VAMP7: variants seen among roughly 807,000 people sequenced by gnomAD.
The protein encoded by VAMP7 is vesicle associated membrane protein 7.
A neutral mutation model predicts 29.6 loss-of-function variants in VAMP7; 14 were observed. That is an observed-to-expected ratio of 0.47 (90% CI 0.31 to 0.74). The LOEUF is 0.74. Ranked by LOEUF, VAMP7 falls within the 30% of genes least tolerant of loss-of-function variation. VAMP7 has a pLI of 0.05. For missense variants in VAMP7, 223 were observed against 262.4 expected (o/e 0.85, Z 1.04); for synonymous variants, 95 against 88.1 (o/e 1.08, Z -0.44).
intron 5 of VAMP7, among the ~76,000 whole-genome samples, chrX:155,918,052 G>A (rs1434428114): frequency 3.3e-5 from 5 of 152,228 alleles, no homozygotes; most frequent in Admixed American, 6.5e-5. Flanking sequence ...GGGACTTTGC[G>A]GAGCTGCGGT....
At chrX:155,913,777 C>T (rs1375682362) in intron 5 of VAMP7, among the ~76,000 whole-genome samples, 1 of 152,020 alleles carries the variant, frequency 6.6e-6, no homozygotes, top group Non-Finnish European at 1.5e-5. Flanking sequence ...TTACTGTAGC[C>T]TTGTAGTATA....
At chrX:155,908,810 G>A (rs2066190889) in intron 5 of VAMP7, among the ~76,000 whole-genome samples, 1 of 151,882 alleles carries the variant, frequency 6.6e-6, no homozygotes, top group African/African-American at 2.4e-5. Flanking sequence ...TGTTTTTTGA[G>A]ATGGGGTCTG....
chrX:155,905,492 A>T (rs1444226164), intron 5 of VAMP7, among the ~76,000 whole-genome samples: 1 of 152,132 alleles, frequency 6.6e-6, no homozygotes. Flanking sequence ...CTAAGCCAAG[A>T]TCATGAAGAT....
At chrX:155,939,821 CTTTA>C in intron 7 of VAMP7, 28 bp downstream of exon 7, 1 of 1,526,990 alleles carries the variant, frequency 6.5e-7, no homozygotes, top group Non-Finnish European at 9.1e-7. Context: ...TAGTGTATGG[CTTTA>C]TTTTTCAATC....
rs2065901516 is a variant in VAMP7, at chrX:155,889,454, A to G, written c.-9-4A>G. The G allele has an allele frequency of 6.2e-7, 1 of 1,609,968 alleles. No homozygotes were observed. The highest frequency in any genetic ancestry group is 1.7e-5 in the Admixed American group (1 of 59,032). On this transcript the variant is annotated splice_polypyrimidine_tract_variant and splice_region_variant and intron_variant, in intron 1 of 7. Transcript: ENST00000286448. ...CTAAATCTGTGTCTTTTTCCTTTTG[A>G]TAGACTGAAGCCATGGCGATTCTTT... is the stretch of plus-strand genomic sequence containing the variant.
chrX:155,916,779 GC>G (rs2066319937), intron 5 of VAMP7, among the ~76,000 whole-genome samples: 1 of 152,086 alleles, frequency 6.6e-6, no homozygotes, highest in South Asian at 2.1e-4. Context: ...CTCTCTGGCT[GC>G]CCTTAACATT....
At chrX:155,882,178 T>G (rs922675540) in intron 1 of VAMP7, among the ~76,000 whole-genome samples, 10 of 152,172 alleles carry the variant, frequency 6.6e-5, no homozygotes, top group African/African-American at 2.4e-4. Context: ...TTTGAATACC[T>G]GTGGCTGAGA....
intron 6 of VAMP7, among the ~76,000 whole-genome samples, chrX:155,929,685 G>T (rs1451585913): frequency 6.6e-6 from 1 of 152,212 alleles, no homozygotes; most frequent in East Asian, 1.9e-4. Context: ...TCCCGTGTTG[G>T]ATGGAAAGAC....
chrX:155,928,318 C>G (rs2066500160), intron 6 of VAMP7, among the ~76,000 whole-genome samples: 1 of 152,148 alleles, frequency 6.6e-6, no homozygotes, highest in Non-Finnish European at 1.5e-5. Flanking sequence ...CAAATTATCA[C>G]AAACTTGGTG....
chrX:155,939,793 T>C lies in VAMP7; in HGVS notation c.594T>C (p.Ile198=), dbSNP rs1475299031. Reference sequence around the variant, plus strand: ...CTATTATCATCATCATCGTATCAATTGTAAGTTTTTGTCCTTTTAGTGTAT... The same window carrying C: ...CTATTATCATCATCATCGTATCAATCGTAAGTTTTTGTCCTTTTAGTGTAT... The part of the protein sequence containing the change: ...KLTIIIIIVS[I]VFIYIIVSPL... Residue 198 remains isoleucine (I), a splice_region_variant and synonymous_variant, in exon 7 of 8, where the codon ATT becomes ATC. Coordinates refer to ENST00000286448, the MANE Select transcript of VAMP7 (RefSeq NM_005638.6). 1.2e-6 allele frequency: 2 copies of C among 1,610,540 alleles called. No individual in the cohort carries two copies. The highest frequency in any genetic ancestry group is 3.3e-5 in the Admixed American group (2 of 60,004).
At chrX:155,913,301 A>G (rs1014345232) in intron 5 of VAMP7, among the ~76,000 whole-genome samples, 2 of 151,632 alleles carry the variant, frequency 1.3e-5, no homozygotes, top group African/African-American at 4.9e-5. Context: ...GATTGCAAAA[A>G]TTTTTTCCCA....
rs760574591 is a variant in VAMP7 at position 155,909,205 on chromosome X, A to G, written c.433+8618A>G. On this transcript the variant is annotated intron_variant, in intron 5 of 7. Coordinates refer to ENST00000286448, the MANE Select transcript of VAMP7 (RefSeq NM_005638.6). ...TTTTTATTTCTTCTTGAGTCTGTTT[A>G]GCAGTTTGTATCTTTCTAGGAATTT... is the stretch of plus-strand genomic sequence containing the variant. 1.8e-3 allele frequency among the ~76,000 whole-genome samples: 269 copies of G among 152,232 alleles called. 1 individual carries two copies. The highest frequency in any genetic ancestry group is 6.3e-3 in the African/African-American group (261 of 41,544).
At chrX:155,895,714 A>G (rs756773537) in intron 3 of VAMP7, 34 bp downstream of exon 3, 12 of 1,575,258 alleles carry the variant, frequency 7.6e-6, no homozygotes, top group Middle Eastern at 3.4e-4. Flanking sequence ...CTATTTAACT[A>G]TGTGTACTGT....
chrX:155,910,766 T>C (rs1420339881), intron 5 of VAMP7, among the ~76,000 whole-genome samples: 2 of 152,154 alleles, frequency 1.3e-5, no homozygotes, highest in Admixed American at 6.5e-5. Flanking sequence ...TGGCTATTCA[T>C]GTCCTCTGCC....
chrX:155,918,929 C>G (rs2066354422), intron 5 of VAMP7, among the ~76,000 whole-genome samples: 1 of 151,996 alleles, frequency 6.6e-6, no homozygotes, highest in Non-Finnish European at 1.5e-5. Context: ...TGGGATAAAT[C>G]CCACTTGATC....
At chrX:155,890,506 G>T (rs1318285868) in intron 2 of VAMP7, among the ~76,000 whole-genome samples, 3 of 151,928 alleles carry the variant, frequency 2.0e-5, no homozygotes, top group African/African-American at 7.3e-5. Context: ...GATTACAGGC[G>T]TGCACCACCA....
chrX:155,909,868 C>T (rs1484616944), intron 5 of VAMP7, among the ~76,000 whole-genome samples: 1 of 152,042 alleles, frequency 6.6e-6, no homozygotes, highest in Non-Finnish European at 1.5e-5. Flanking sequence ...TATTTTGTTA[C>T]ATGCAAAGAC....
At chrX:155,889,789 G>T (rs758686439) in intron 2 of VAMP7, among the ~76,000 whole-genome samples, 177 bp downstream of exon 2, 1 of 151,698 alleles carries the variant, frequency 6.6e-6, no homozygotes, top group East Asian at 2.0e-4. Context: ...AATTTAACTT[G>T]TAATTATTTT....
At chrX:155,926,829 T>G (rs2124369712) in intron 6 of VAMP7, among the ~76,000 whole-genome samples, 1 of 152,290 alleles carries the variant, frequency 6.6e-6, no homozygotes, top group East Asian at 1.9e-4. Flanking sequence ...AATACATAGA[T>G]GCCATTGTAA....
Sources: gnomAD v4.1 joint callset for allele counts (sites outside exome capture counted in the v4.1 genomes callset) on GRCh38, gnomAD v4.1.1 for gene constraint, MANE v1.5 for transcripts, NCBI Gene and HGNC (gene_info 2026-07-23, HGNC 2026-07-21) for gene names.